VEPH1: variants seen among roughly 807,000 people sequenced by gnomAD.
The protein encoded by VEPH1 is ventricular zone-expressed PH domain-containing protein homolog 1.
In VEPH1, 80 loss-of-function variants were observed where a neutral mutation model predicts 85.2. The ratio of observed to expected loss-of-function variants is 0.94; its 90% CI spans 0.78 to 1.13. The LOEUF is 1.13. Among genes scored for constraint, VEPH1 ranks in the 50% most tolerant of loss-of-function variants. The pLI is 0.00. For missense variants in VEPH1, 955 were observed against 980.5 expected (o/e 0.97, Z 0.35); for synonymous variants, 297 against 348.0 (o/e 0.85, Z 1.63).
intron 5 of VEPH1, among the ~76,000 whole-genome samples, chr3:157,425,559 C>T (rs149712884): frequency 7.9e-5 from 12 of 152,282 alleles, no homozygotes; most frequent in Non-Finnish European, 1.3e-4. Flanking sequence ...TTCAGACTTG[C>T]GTGGGACCTG....
intron 4 of VEPH1, among the ~76,000 whole-genome samples, chr3:157,444,618 G>GA (rs1299914077): frequency 6.6e-6 from 1 of 152,186 alleles, no homozygotes; most frequent in Non-Finnish European, 1.5e-5. Flanking sequence ...CCAGCTGGAA[G>GA]AAGGAAAACT....
chr3:157,327,833 A>T (rs1722086319), intron 9 of VEPH1, among the ~76,000 whole-genome samples: 1 of 152,170 alleles, frequency 6.6e-6, no homozygotes, highest in Non-Finnish European at 1.5e-5. Flanking sequence ...TATTCAAATC[A>T]GGTGTTGAAG....
At chr3:157,329,736 C>G (rs1315679502) in intron 9 of VEPH1, among the ~76,000 whole-genome samples, 1 of 152,018 alleles carries the variant, frequency 6.6e-6, no homozygotes, top group Non-Finnish European at 1.5e-5. Context: ...AGAAACTCAA[C>G]CTTCTAGCAG....
chr3:157,427,722 T>A (rs1413552068), intron 5 of VEPH1, among the ~76,000 whole-genome samples: 1 of 152,238 alleles, frequency 6.6e-6, no homozygotes, highest in Non-Finnish European at 1.5e-5. Context: ...CCCAAAATGT[T>A]GAAATTACAG....
chr3:157,308,520 A>C lies in VEPH1; in HGVS notation c.2010+5101T>G, dbSNP rs181336875. Among the ~76,000 whole-genome samples, 267 of 152,126 alleles carry C rather than the reference A, an allele frequency of 1.8e-3. 2 individuals carry two copies. The highest frequency in any genetic ancestry group is 0.017 in the Middle Eastern group (5 of 294). ...TCTTTCCATAAAAGTGGAGTAATTT[A>C]ATAATTGTAGGTTTTATAGTGTGCT... On this transcript the variant is annotated intron_variant, in intron 11 of 13. Coordinates refer to ENST00000362010, the MANE Select transcript of VEPH1 (RefSeq NM_001167912.2).
chr3:157,322,839 T>C (rs1297805075), intron 9 of VEPH1, among the ~76,000 whole-genome samples: 2 of 152,230 alleles, frequency 1.3e-5, no homozygotes, highest in African/African-American at 4.8e-5. Flanking sequence ...TAAATAATAC[T>C]GTCATTTAAT....
At chr3:157,313,563 T>C (rs1053722754) in intron 11 of VEPH1, 58 bp downstream of exon 11, 56 of 1,552,792 alleles carry the variant, frequency 3.6e-5, no homozygotes, top group Non-Finnish European at 4.8e-5. Flanking sequence ...AAAGGGAAAC[T>C]GTTTCAAGAC....
At chr3:157,277,116 C>A (rs2108318724) in intron 12 of VEPH1, among the ~76,000 whole-genome samples, 1 of 152,276 alleles carries the variant, frequency 6.6e-6, no homozygotes, top group Non-Finnish European at 1.5e-5. Flanking sequence ...ATCTCCAACT[C>A]CTGGGATCAA....
chr3:157,419,993 T>TA (rs1238519207), intron 5 of VEPH1, among the ~76,000 whole-genome samples: 1 of 152,084 alleles, frequency 6.6e-6, no homozygotes, highest in East Asian at 1.9e-4. Flanking sequence ...TATGCAGTCA[T>TA]AAAAAGGAAC....
chr3:157,433,327 A>G (rs966527683), intron 4 of VEPH1, among the ~76,000 whole-genome samples: 2 of 152,096 alleles, frequency 1.3e-5, no homozygotes, highest in African/African-American at 4.8e-5. Context: ...TATGTTTCCA[A>G]GGATTTACAA....
At chr3:157,419,388 C>G (rs1398875547) in intron 5 of VEPH1, among the ~76,000 whole-genome samples, 1 of 152,166 alleles carries the variant, frequency 6.6e-6, no homozygotes, top group Non-Finnish European at 1.5e-5. Context: ...AACATATAAT[C>G]TACAGAATGG....
intron 5 of VEPH1, among the ~76,000 whole-genome samples, chr3:157,421,210 T>C (rs1732308163): frequency 6.6e-6 from 1 of 152,172 alleles, no homozygotes; most frequent in African/African-American, 2.4e-5. Context: ...GATGCTACCT[T>C]CACAGTCTCA....
chr3:157,438,037 G>GCACACACACACACACACA (rs781700719), intron 4 of VEPH1: 5 of 516,030 alleles, frequency 9.7e-6, no homozygotes, highest in Non-Finnish European at 1.6e-5. Context: ...GCGCGCGCGC[G>GCACACACACACACACACA]CACACACACA....
At chr3:157,299,197 C>T (rs894328875) in intron 11 of VEPH1, among the ~76,000 whole-genome samples, 5 of 152,106 alleles carry the variant, frequency 3.3e-5, no homozygotes, top group Admixed American at 2.6e-4. Flanking sequence ...TTTGAGCAGT[C>T]TCTTTTTATA....
At chr3:157,493,691 G>A in intron 2 of VEPH1, among the ~76,000 whole-genome samples, 1 of 152,130 alleles carries the variant, frequency 6.6e-6, no homozygotes, top group East Asian at 1.9e-4. Context: ...AATGACAAGG[G>A]ACCTGCCAGC....
intron 4 of VEPH1, among the ~76,000 whole-genome samples, chr3:157,449,158 C>T (rs1734765018): frequency 1.3e-5 from 2 of 152,142 alleles, no homozygotes; most frequent in Admixed American, 6.5e-5. Context: ...ACTAATACAC[C>T]AAGTGACATC....
intron 9 of VEPH1, among the ~76,000 whole-genome samples, chr3:157,324,225 T>A (rs894598846): frequency 7.2e-5 from 11 of 152,018 alleles, no homozygotes; most frequent in African/African-American, 2.7e-4. Context: ...CTGGCTAATT[T>A]TTTTGTAGTT....
chr3:157,390,815 C>T (rs975533334), intron 6 of VEPH1, among the ~76,000 whole-genome samples: 2 of 152,192 alleles, frequency 1.3e-5, no homozygotes, highest in Non-Finnish European at 2.9e-5. Flanking sequence ...AAAAGAGCTG[C>T]GACCCTTCTG....
Position 157,413,951 on chromosome 3 carries a change from A to G in VEPH1, c.836T>C (p.Ile279Thr), listed in dbSNP as rs1177730376. 6.2e-7 allele frequency: 1 copy of G among 1,613,650 alleles called. No individual in the cohort carries two copies. The change falls in exon 6 of 14, where the codon ATT becomes ACT. Residue 279 changes from isoleucine (I) to threonine (T), a missense_variant. By Grantham distance (89) the Ile-to-Thr change is moderately conservative. Transcript: ENST00000362010. ...LNSFLPMLKE[I>T]GERFPYLTGQ... ...AGTGAGGTAGGGGAATCTCTCACCA[A>G]TCTCTTTCAGCATTGGAAGAAAACT...
Sources: allele counts gnomAD v4.1 joint callset (sites outside exome capture counted in the v4.1 genomes callset), GRCh38; gene constraint gnomAD v4.1.1; transcripts MANE v1.5; gene names NCBI Gene and HGNC (gene_info 2026-07-23, HGNC 2026-07-21).